DTD1: variants seen among roughly 807,000 people sequenced by gnomAD.
DTD1 encodes D-tyrosyl-tRNA deacylase 1 homolog.
Under a neutral mutation model 25.6 loss-of-function variants are expected in DTD1, and 13 were observed. That is an observed-to-expected ratio of 0.51 (90% CI 0.33 to 0.81). The LOEUF is 0.81. DTD1 is among the 30% of genes least tolerant of loss of function. The pLI is 0.02. For missense variants in DTD1, 193 were observed against 266.4 expected (o/e 0.72, Z 1.92); for synonymous variants, 110 against 103.6 (o/e 1.06, Z -0.37).
At chr20:18,661,053 A>G (rs1047187496) in intron 4 of DTD1, among the ~76,000 whole-genome samples, 5 of 152,188 alleles carry the variant, frequency 3.3e-5, no homozygotes, top group Non-Finnish European at 7.3e-5. Context: ...GTCAAAAACT[A>G]GTTAGACTTG....
intron 4 of DTD1, among the ~76,000 whole-genome samples, chr20:18,716,678 G>A (rs1349680008): frequency 6.6e-6 from 1 of 152,116 alleles, no homozygotes; most frequent in Non-Finnish European, 1.5e-5. Flanking sequence ...CACTTGACTC[G>A]AACAATGTGG....
intron 3 of DTD1, among the ~76,000 whole-genome samples, chr20:18,605,958 A>T (rs1379949209): frequency 1.3e-5 from 2 of 149,368 alleles, no homozygotes. Flanking sequence ...GCTTCTGCAC[A>T]GCAAAAGAAA....
chr20:18,629,688 A>G (rs1251685259), intron 4 of DTD1, among the ~76,000 whole-genome samples: 3 of 151,900 alleles, frequency 2.0e-5, no homozygotes, highest in Non-Finnish European at 4.4e-5. Context: ...GAAATACCTG[A>G]GACAGGGTAA....
Position 18,703,143 on chromosome 20 carries a change from G to A in DTD1, c.478-40957G>A, listed in dbSNP as rs543899964. On this transcript the variant is annotated intron_variant, in intron 4 of 5. Transcript: ENST00000377452. ...AAATAAATCTGAAAATGTCCCTATA[G>A]TCCTTACACTTGACTGTTAGTTTAT... 2.0e-5 allele frequency among the ~76,000 whole-genome samples: 3 copies of A among 152,234 alleles called. No individual in the cohort carries two copies. In the East Asian group the frequency reaches 5.8e-4, roughly 29 times the overall value.
intron 5 of DTD1, among the ~76,000 whole-genome samples, chr20:18,750,552 A>C (rs557449392): frequency 1.3e-5 from 2 of 152,360 alleles, no homozygotes; most frequent in East Asian, 3.9e-4. Context: ...TTTCTTTGAA[A>C]ATGATTCAAA....
intron 4 of DTD1, among the ~76,000 whole-genome samples, chr20:18,670,633 TA>T (rs1401411712): frequency 6.6e-6 from 1 of 152,240 alleles, no homozygotes; most frequent in Non-Finnish European, 1.5e-5. Flanking sequence ...ATTAGAGTTC[TA>T]AATAAAGTCG....
At chr20:18,689,212 G>A (rs2061031823) in intron 4 of DTD1, among the ~76,000 whole-genome samples, 3 of 152,174 alleles carry the variant, frequency 2.0e-5, no homozygotes, top group Non-Finnish European at 4.4e-5. Context: ...TGAGGCCAGA[G>A]TTGCCTTTTC....
intron 4 of DTD1, among the ~76,000 whole-genome samples, chr20:18,691,668 C>T (rs537414375): frequency 9.9e-5 from 15 of 152,186 alleles, no homozygotes; most frequent in South Asian, 2.1e-4. Context: ...GTACTATGCT[C>T]ATGACCTGGG....
chr20:18,625,979 TC>T (rs2060755950), intron 3 of DTD1, among the ~76,000 whole-genome samples: 1 of 152,218 alleles, frequency 6.6e-6, no homozygotes, highest in African/African-American at 2.4e-5. Context: ...GTGGGCTTGC[TC>T]CCAGCCAGGC....
intron 1 of DTD1, among the ~76,000 whole-genome samples, chr20:18,591,160 C>G (rs779673386): frequency 6.6e-6 from 1 of 152,144 alleles, no homozygotes; most frequent in Non-Finnish European, 1.5e-5. Flanking sequence ...ATCTCCTAGT[C>G]CTTCTACTTG....
chr20:18,759,044 A>C (rs1270838991), intron 5 of DTD1, among the ~76,000 whole-genome samples: 4 of 152,096 alleles, frequency 2.6e-5, no homozygotes, highest in Non-Finnish European at 5.9e-5. Flanking sequence ...TTTATCAGAG[A>C]CTAGGATTGC....
intron 4 of DTD1, among the ~76,000 whole-genome samples, chr20:18,651,686 T>C (rs189981816): frequency 6.6e-6 from 1 of 152,260 alleles, no homozygotes; most frequent in African/African-American, 2.4e-5. Context: ...TTCAGTGAAA[T>C]TTTTCTGGAG....
At position 18,718,302 on chromosome 20, in the gene DTD1, T is replaced by G. The variant is rs192660912; in HGVS notation, c.478-25798T>G. 3.7e-3 allele frequency among the ~76,000 whole-genome samples: 559 copies of G among 152,344 alleles called. 1 individual carries two copies. Among genetic ancestry groups the G allele is most frequent in the Middle Eastern group, 0.01 (3 of 294 alleles). ...TTCTGAAAGACAACCACTAGGACTG[T>G]GTGACCATAGGGTGCTGTTACCTCC... On this transcript the variant is annotated intron_variant, in intron 4 of 5. Coordinates refer to ENST00000377452, the MANE Select transcript of DTD1 (RefSeq NM_080820.6).
chr20:18,632,369 C>T, intron 4 of DTD1: 1 of 985,464 alleles, frequency 1.0e-6, no homozygotes, highest in East Asian at 1.1e-4. Context: ...TTGCACTGCG[C>T]TCTGCCCCTA....
chr20:18,694,462 AGCATTGGTGAGG>A (rs1422126108), intron 4 of DTD1, among the ~76,000 whole-genome samples: 2 of 152,168 alleles, frequency 1.3e-5, no homozygotes, highest in African/African-American at 4.8e-5. Context: ...TGTTCTCCAG[AGCATTGGTGAGG>A]GCTCCAAAGA....
chr20:18,614,279 C>A (rs986997301), intron 3 of DTD1, among the ~76,000 whole-genome samples: 4 of 152,174 alleles, frequency 2.6e-5, no homozygotes, highest in African/African-American at 9.7e-5. Context: ...TGGCTGGCCA[C>A]CCTAAGAAGC....
At chr20:18,592,367 T>G (rs1279739586) in intron 1 of DTD1, 1 of 152,208 alleles carries the variant, frequency 6.6e-6, no homozygotes, top group Non-Finnish European at 1.5e-5. Context: ...TCCCAGCTAC[T>G]CTGGAAGCTG....
chr20:18,608,369 AT>A (rs34079729), intron 3 of DTD1, among the ~76,000 whole-genome samples: 27,412 of 125,484 alleles, frequency 0.22, 2,630 homozygotes, highest in Admixed American at 0.26. Flanking sequence ...TTTGTGCTCT[AT>A]TTTTTTTTTT....
intron 3 of DTD1, 24 bp downstream of exon 3, chr20:18,596,265 G>C (rs1361328442): frequency 6.2e-7 from 1 of 1,604,266 alleles, no homozygotes. Flanking sequence ...CCACATCCAG[G>C]AACGGGTCTT....
Sources: allele counts gnomAD v4.1 joint callset (sites outside exome capture counted in the v4.1 genomes callset), GRCh38; gene constraint gnomAD v4.1.1; transcripts MANE v1.5; gene names NCBI Gene and HGNC (gene_info 2026-07-23, HGNC 2026-07-21).